B2M: variants seen among roughly 807,000 people sequenced by gnomAD.
The protein encoded by B2M is beta-2-microglobulin, also known as beta chain of MHC class I molecules.
A neutral mutation model predicts 14.5 loss-of-function variants in B2M; 3 were observed. The ratio of observed to expected loss-of-function variants is 0.21; its 90% confidence interval spans 0.09 to 0.53. The LOEUF is 0.53. Among genes scored for constraint, B2M ranks in the 20% least tolerant of loss-of-function variants. The pLI, the probability that B2M is intolerant of heterozygous loss-of-function variation, is 0.95. For synonymous variants in B2M, 45 were observed against 52.7 expected, an observed-to-expected ratio of 0.85 and a Z score of 0.64; for missense variants, 107 against 140.8, an observed-to-expected ratio of 0.76 and a Z score of 1.21.
chr15:44,715,469 A>G lies in B2M; in HGVS notation c.114A>G (p.Gly38=), dbSNP rs1455449641. The part of the protein sequence containing the change: ...QVYSRHPAEN[G]KSNFLNCYVS... ...ACTCACGTCATCCAGCAGAGAATGGAAAGTCAAATTTCCTGAATTGCTATG... is the reference window on the plus strand; with the variant it reads ...ACTCACGTCATCCAGCAGAGAATGGGAAGTCAAATTTCCTGAATTGCTATG... Residue 38 remains glycine (G), a synonymous_variant, in exon 2 of 4, where the codon GGA becomes GGG. Coordinates refer to ENST00000648006, the MANE Select transcript of B2M (RefSeq NM_004048.4). 8 of 1,614,164 alleles carry G rather than the reference A, an allele frequency of 5.0e-6. No individual in the cohort carries two copies. Among genetic ancestry groups the G allele is most frequent in the Non-Finnish European group, 5.1e-6 (6 of 1,180,010 alleles).
chr15:44,714,474 G>T (rs989715435), intron 1 of B2M: 1 of 151,938 alleles, frequency 6.6e-6, no homozygotes, highest in African/African-American at 2.4e-5. Flanking sequence ...CCTTGGGTTG[G>T]TTGGGCACGG....
intron 1 of B2M, 78 bp from the exon 2 acceptor site, chr15:44,715,345 T>A (rs1371247088): frequency 6.7e-6 from 10 of 1,481,606 alleles, no homozygotes; most frequent in Non-Finnish European, 9.3e-6. Flanking sequence ...ACTTGGTGCC[T>A]GATATAGCTT....
intron 1 of B2M, chr15:44,714,772 C>G (rs2086923129): frequency 6.5e-6 from 1 of 154,668 alleles, no homozygotes; most frequent in African/African-American, 2.4e-5. Context: ...AAAGAACATA[C>G]CTTGGGTTGA....
chr15:44,715,502 G>T lies in B2M; in HGVS notation c.147G>T (p.Gly49=), dbSNP rs768464174. The T allele has an allele frequency of 6.2e-7, 1 of 1,614,134 alleles. No homozygotes were observed. The highest frequency in any genetic ancestry group is 8.5e-7 in the Non-Finnish European group (1 of 1,180,002). Residue 49 remains glycine (G), a synonymous_variant, in exon 2 of 4, where the codon GGG becomes GGT. Transcript: ENST00000648006. ...KSNFLNCYVS[G]FHPSDIEVDL... is the part of the protein sequence containing the mutation. ...ATTTCCTGAATTGCTATGTGTCTGGGTTTCATCCATCCGACATTGAAGTTG... is the reference window on the plus strand; with the variant it reads ...ATTTCCTGAATTGCTATGTGTCTGGTTTTCATCCATCCGACATTGAAGTTG...
intron 1 of B2M, chr15:44,713,845 A>G (rs892886227): frequency 6.6e-6 from 1 of 152,152 alleles, no homozygotes; most frequent in African/African-American, 2.4e-5. Flanking sequence ...CCTTTCCTTA[A>G]TGATAGGGTG....
Position 44,711,867 on chromosome 15 carries a change from C to T in B2M, c.67+254C>T. ...AGGGGAGACCTTTGGCCTACGGCGA[C>T]GGGAGGGTCGGGACAAAGTTTAGGG... On this transcript the variant is annotated intron_variant, in intron 1 of 3. Transcript: ENST00000648006. 2.6e-5 allele frequency: 16 copies of T among 609,038 alleles called. No homozygotes were observed. The South Asian group carries it at 3.0e-4, about 11-fold the overall frequency. The allele number at this position is 609,038 out of a possible 1,614,324, so 37.7% of individuals were successfully genotyped here. A position where few individuals can be genotyped will look rare whatever the true frequency, so the allele number is the denominator to read the frequency against.
chr15:44,711,612 G>A lies in B2M; in HGVS notation c.66G>A (p.Gln22=), dbSNP rs745772508. Residue 22 remains glutamine (Q), a splice_region_variant and synonymous_variant, in exon 1 of 4, where the codon CAG becomes CAA. Coordinates refer to ENST00000648006, the MANE Select transcript of B2M (RefSeq NM_004048.4). The part of the protein sequence containing the change: ...LLSLSGLEAI[Q]RTPKIQVYSR... ...CTCTTTCTGGCCTGGAGGCTATCCAGCGTGAGTCTCTCCTACCCTCCCGCT... is the reference window on the plus strand; with the variant it reads ...CTCTTTCTGGCCTGGAGGCTATCCAACGTGAGTCTCTCCTACCCTCCCGCT... 4.3e-6 allele frequency: 7 copies of A among 1,613,504 alleles called. No individual in the cohort carries two copies. In the South Asian group the frequency reaches 7.7e-5, roughly 18 times the overall value.
chr15:44,714,585 T>A (rs1246977896), intron 1 of B2M: 1 of 152,102 alleles, frequency 6.6e-6, no homozygotes, highest in African/African-American at 2.4e-5. Context: ...TGAAATCCCG[T>A]CTCTACTGAA....
chr15:44,717,400 T>A (rs2086955045), intron 3 of B2M: 1 of 152,126 alleles, frequency 6.6e-6, no homozygotes, highest in Non-Finnish European at 1.5e-5. Flanking sequence ...GACCAAAACA[T>A]CATATCAGCA....
intron 1 of B2M, chr15:44,714,007 A>G (rs2141287659): frequency 6.6e-6 from 1 of 152,294 alleles, no homozygotes; most frequent in Admixed American, 6.5e-5. Flanking sequence ...TTTAGTGTCA[A>G]TCTGTATATT....
intron 3 of B2M, 67 bp downstream of exon 3, chr15:44,716,423 A>G (rs917895859): frequency 6.9e-7 from 1 of 1,440,116 alleles, no homozygotes; most frequent in African/African-American, 1.4e-5. Context: ...AGACAGCTCT[A>G]ACATGATAAC....
Position 44,715,610 on chromosome 15 carries a change from G to A in B2M, c.255G>A (p.Leu85=). The change falls in exon 2 of 4, where the codon TTG becomes TTA. Residue 85 remains leucine, a synonymous_variant. Transcript: ENST00000648006. ...SFSKDWSFYL[L]YYTEFTPTEK... ...GCAAGGACTGGTCTTTCTATCTCTT[G>A]TACTACACTGAATTCACCCCCACTG... 6.2e-7 allele frequency: 1 copy of A among 1,614,120 alleles called. No homozygotes were observed.
At position 44,715,721 on chromosome 15, in the gene B2M, G is replaced by A. The variant is rs748807550; in HGVS notation, c.346+20G>A. On this transcript the variant is annotated intron_variant, in intron 2 of 3. Coordinates refer to ENST00000648006, the MANE Select transcript of B2M (RefSeq NM_004048.4). ...AGTGGGGTAAGTCTTACATTCTTTT[G>A]TAAGCTGCTGAAAGTTGTGTATGAG... is the stretch of plus-strand genomic sequence containing the variant. The A allele has an allele frequency of 2.5e-6, 4 of 1,613,770 alleles. No individual in the cohort carries two copies. The African/African-American group carries it at 5.3e-5, about 22-fold the overall frequency.
chr15:44,711,605 C>G lies in B2M; in HGVS notation c.59C>G (p.Ala20Gly), dbSNP rs2141284653. ...CTACTCTCTCTTTCTGGCCTGGAGG[C>G]TATCCAGCGTGAGTCTCTCCTACCC... ...LALLSLSGLE[A>G]IQRTPKIQVY... Residue 20 changes from alanine (A) to glycine (G), a missense_variant, in exon 1 of 4, where the codon GCT becomes GGT. By Grantham distance (60) the Ala-to-Gly change is moderately conservative. Coordinates refer to ENST00000648006, the MANE Select transcript of B2M (RefSeq NM_004048.4). The G allele has an allele frequency of 6.2e-7, 1 of 1,613,696 alleles. No homozygotes were observed. The highest frequency in any genetic ancestry group is 8.5e-7 in the Non-Finnish European group (1 of 1,179,874).
At chr15:44,712,294 T>C (rs920351119) in intron 1 of B2M, among the ~76,000 whole-genome samples, 7 of 152,230 alleles carry the variant, frequency 4.6e-5, no homozygotes, top group African/African-American at 1.7e-4. Flanking sequence ...TAAAAAATTA[T>C]AAGAACTACC....
chr15:44,715,179 GA>G (rs960875781), intron 1 of B2M: 11 of 571,276 alleles, frequency 1.9e-5, no homozygotes, highest in East Asian at 1.2e-4. Flanking sequence ...AAATCTGCTA[GA>G]AAAAAAACAA....
At chr15:44,716,612 A>G (rs2600899) in intron 3 of B2M, 6 of 542,604 alleles carry the variant, frequency 1.1e-5, no homozygotes, top group Non-Finnish European at 2.0e-5. Context: ...ATTGCAGGAT[A>G]AAGGCAGGTG....
chr15:44,711,650 C>G (rs769387850), intron 1 of B2M, 37 bp downstream of exon 1: 1 of 1,592,070 alleles, frequency 6.3e-7, no homozygotes, highest in African/African-American at 1.3e-5. Context: ...GGTCCTTCCT[C>G]TCCCGCTCTG....
intron 1 of B2M, 196 bp from the exon 2 acceptor site, chr15:44,715,227 C>A (rs928842889): frequency 4.6e-6 from 3 of 656,200 alleles, no homozygotes; most frequent in Admixed American, 5.1e-5. Flanking sequence ...GGGAAAGATA[C>A]CAAGTCACGG....
Sources: gnomAD v4.1 joint callset for allele counts (sites outside exome capture counted in the v4.1 genomes callset) on GRCh38, gnomAD v4.1.1 for gene constraint, MANE v1.5 for transcripts, NCBI Gene and HGNC (gene_info 2026-07-23, HGNC 2026-07-21) for gene names.